The following DPP10 variants were observed in gnomAD, a reference collection of about 807,000 sequenced individuals.
The protein encoded by DPP10 is inactive dipeptidyl peptidase 10.
DPP10 carries 33 observed loss-of-function variants against 120.9 expected under a neutral mutation model. The observed-to-expected ratio is 0.27, with a 90% CI of 0.21 to 0.37. DPP10 has a LOEUF of 0.37. DPP10 is among the 10% of genes least tolerant of loss of function. The pLI, the probability that DPP10 is intolerant of heterozygous loss-of-function variation, is 1.00. For synonymous variants in DPP10, 337 were observed against 326.1 expected (o/e 1.03, Z -0.36); for missense variants, 816 against 942.8 (o/e 0.87, Z 1.76).
At chr2:114,460,274 T>C (rs1316684508) in intron 1 of DPP10, among the ~76,000 whole-genome samples, 1 of 152,132 alleles carries the variant, frequency 6.6e-6, no homozygotes, top group African/African-American at 2.4e-5. Flanking sequence ...AAAAAAGTAT[T>C]TTTGGAAACT....
Position 114,993,800 on chromosome 2 carries a change from C to T in DPP10, c.61-315439C>T, listed in dbSNP as rs997418344. On this transcript the variant is annotated intron_variant, in intron 1 of 25. Coordinates refer to ENST00000410059, the MANE Select transcript of DPP10 (RefSeq NM_020868.6). The stretch of plus-strand genomic sequence containing the variant: ...GTGTTTTTATACACATAGATGTGTG[C>T]ACACGAGTCTACATGTTTGAATAGA... Among the ~76,000 whole-genome samples, 9 of 151,854 alleles carry T rather than the reference C, an allele frequency of 5.9e-5. No homozygotes were observed. The East Asian group carries it at 1.7e-3, about 29-fold the overall frequency.
intron 1 of DPP10, among the ~76,000 whole-genome samples, chr2:114,615,294 T>C (rs1693595069): frequency 6.6e-6 from 1 of 152,310 alleles, no homozygotes; most frequent in Middle Eastern, 3.4e-3. Flanking sequence ...ATGAATGCAA[T>C]TTAATTTTCT....
intron 3 of DPP10, among the ~76,000 whole-genome samples, chr2:115,366,390 T>C (rs1427535376): frequency 6.6e-6 from 1 of 152,120 alleles, no homozygotes; most frequent in Non-Finnish European, 1.5e-5. Flanking sequence ...ATCTCAATTA[T>C]ATTCCTTCTT....
intron 1 of DPP10, among the ~76,000 whole-genome samples, chr2:114,576,775 A>G (rs1573699852): frequency 6.6e-6 from 1 of 152,056 alleles, no homozygotes; most frequent in East Asian, 1.9e-4. Flanking sequence ...TGCAAGACAG[A>G]CTCAAGATAT....
At chr2:114,643,901 G>A (rs1695904745) in intron 1 of DPP10, among the ~76,000 whole-genome samples, 1 of 145,216 alleles carries the variant, frequency 6.9e-6, no homozygotes, top group African/African-American at 2.6e-5. Context: ...GTGTATGTGT[G>A]TATATATATA....
At chr2:114,532,340 C>T (rs181202536) in intron 1 of DPP10, among the ~76,000 whole-genome samples, 5 of 145,222 alleles carry the variant, frequency 3.4e-5, no homozygotes, top group Admixed American at 1.4e-4. Context: ...ATATATCTCT[C>T]TATATATATG....
At chr2:115,273,282 A>G (rs961364708) in intron 1 of DPP10, among the ~76,000 whole-genome samples, 4 of 151,990 alleles carry the variant, frequency 2.6e-5, no homozygotes, top group Non-Finnish European at 5.9e-5. Flanking sequence ...ACTCTCCTTC[A>G]TGGCCAGTTT....
chr2:115,120,411 G>A (rs1047067753), intron 1 of DPP10, among the ~76,000 whole-genome samples: 1 of 152,008 alleles, frequency 6.6e-6, no homozygotes, highest in African/African-American at 2.4e-5. Context: ...GAAGACATTG[G>A]GGAACTGATT....
In DPP10 at chr2:115,486,624, T is replaced by A. The variant is rs115016999; in HGVS notation, c.272-12886T>A. 8.7e-3 allele frequency among the ~76,000 whole-genome samples: 1,326 copies of A among 152,276 alleles called. 12 individuals are homozygous for A. Among genetic ancestry groups the A allele is most frequent in the African/African-American group, 0.03 (1,228 of 41,574 alleles). ...GTGTTGAGTGTATGAGTATGAAGTCTAGAAACTTTTGGTAAGAGTTTTAAC... is the reference window on the plus strand; with the variant it reads ...GTGTTGAGTGTATGAGTATGAAGTCAAGAAACTTTTGGTAAGAGTTTTAAC... On this transcript the variant is annotated intron_variant, in intron 3 of 25. Transcript: ENST00000410059.
intron 1 of DPP10, among the ~76,000 whole-genome samples, chr2:114,591,041 G>C (rs1691416990): frequency 6.6e-6 from 1 of 152,184 alleles, no homozygotes; most frequent in African/African-American, 2.4e-5. Context: ...AATAAATCCT[G>C]AATAGGAGCC....
At chr2:115,759,007 A>T (rs1274596481) in intron 11 of DPP10, among the ~76,000 whole-genome samples, 2 of 152,174 alleles carry the variant, frequency 1.3e-5, no homozygotes, top group African/African-American at 4.8e-5. Context: ...AAACCTTACT[A>T]TACTGAATAA....
At chr2:115,244,239 TAGAGAGAGAGAGAG>T (rs67598156) in intron 1 of DPP10, among the ~76,000 whole-genome samples, 17,787 of 93,148 alleles carry the variant, frequency 0.19, 1,535 homozygotes, top group Middle Eastern at 0.28. Flanking sequence ...TATATATATA[TAGAGAGAGAGAGAG>T]AGAGAGAGAG....
intron 5 of DPP10, among the ~76,000 whole-genome samples, chr2:115,612,553 A>G (rs1473036778): frequency 6.6e-6 from 1 of 152,164 alleles, no homozygotes; most frequent in East Asian, 1.9e-4. Flanking sequence ...CGTTCTTACC[A>G]AAAACCTCTA....
chr2:114,772,585 C>T (rs1681365902), intron 1 of DPP10, among the ~76,000 whole-genome samples: 1 of 152,038 alleles, frequency 6.6e-6, no homozygotes, highest in Non-Finnish European at 1.5e-5. Flanking sequence ...AGTATAGGAA[C>T]TTTCTCCGTA....
chr2:114,992,984 C>G (rs1005720228), intron 1 of DPP10, among the ~76,000 whole-genome samples: 2 of 152,186 alleles, frequency 1.3e-5, no homozygotes, highest in African/African-American at 4.8e-5. Flanking sequence ...CTCATGGTCA[C>G]TATTCCAACT....
At chr2:114,663,290 A>G (rs964318738) in intron 1 of DPP10, among the ~76,000 whole-genome samples, 55 of 150,034 alleles carry the variant, frequency 3.7e-4, no homozygotes, top group African/African-American at 1.3e-3. Context: ...ATATATGTAT[A>G]CATATACATA....
intron 5 of DPP10, among the ~76,000 whole-genome samples, chr2:115,532,661 G>A (rs2078540216): frequency 1.3e-5 from 2 of 151,786 alleles, no homozygotes; most frequent in South Asian, 4.2e-4. Flanking sequence ...TAATCATTCT[G>A]GAATGCCTTT....
intron 1 of DPP10, among the ~76,000 whole-genome samples, chr2:114,510,298 G>A (rs1558828031): frequency 6.6e-6 from 1 of 152,140 alleles, no homozygotes; most frequent in Admixed American, 6.5e-5. Flanking sequence ...ACACCTCACA[G>A]GCTAGTTGTA....
chr2:114,697,008 T>C (rs1700107792), intron 1 of DPP10, among the ~76,000 whole-genome samples: 1 of 152,102 alleles, frequency 6.6e-6, no homozygotes, highest in Non-Finnish European at 1.5e-5. Context: ...ATGTCTGTCA[T>C]ATTAATTCTC....
Sources: gnomAD v4.1 joint callset for allele counts (sites outside exome capture counted in the v4.1 genomes callset) on GRCh38, gnomAD v4.1.1 for gene constraint, MANE v1.5 for transcripts, NCBI Gene and HGNC (gene_info 2026-07-23, HGNC 2026-07-21) for gene names.